Variants in ARHGAP22 observed in about 807,000 individuals in gnomAD.
The protein encoded by ARHGAP22 is rho GTPase-activating protein 22.
In ARHGAP22, 48 loss-of-function variants were observed where a neutral mutation model predicts 59.1. The ratio of observed to expected loss-of-function variants is 0.81; its 90% CI spans 0.64 to 1.03. The LOEUF (loss-of-function observed/expected upper bound fraction) is 1.03. Among genes scored for constraint, ARHGAP22 ranks in the 50% least tolerant of loss-of-function variants. The pLI, the probability that ARHGAP22 is intolerant of heterozygous loss-of-function variation, is 0.00. For synonymous variants in ARHGAP22, 445 were observed against 416.4 expected (o/e 1.07, Z -0.84); for missense variants, 1,015 against 958.7 (o/e 1.06, Z -0.78).
chr10:48,585,027 A>G (rs1424117235), intron 1 of ARHGAP22, among the ~76,000 whole-genome samples: 1 of 151,514 alleles, frequency 6.6e-6, no homozygotes, highest in Non-Finnish European at 1.5e-5. Flanking sequence ...GCACTCAGGC[A>G]CTGTCTGAGG....
intron 3 of ARHGAP22, among the ~76,000 whole-genome samples, chr10:48,504,794 G>A (rs754039944): frequency 2.6e-5 from 4 of 152,150 alleles, no homozygotes; most frequent in Non-Finnish European, 5.9e-5. Flanking sequence ...GGATGCAGGT[G>A]GTGACAGGCA....
At chr10:48,603,270 A>G (rs2060490310) in intron 1 of ARHGAP22, among the ~76,000 whole-genome samples, 1 of 152,260 alleles carries the variant, frequency 6.6e-6, no homozygotes, top group African/African-American at 2.4e-5. Flanking sequence ...CCCTTTGCTG[A>G]AGCACTGGTC....
At chr10:48,564,999 A>G (rs193161687) in intron 2 of ARHGAP22, among the ~76,000 whole-genome samples, 253 of 152,340 alleles carry the variant, frequency 1.7e-3, no homozygotes, top group African/African-American at 5.6e-3. Context: ...AACAACAGCA[A>G]CAGCGACAAT....
At chr10:48,430,506 A>T in the ARHGAP22 span, 1 of 152,354 alleles carries the variant, frequency 6.6e-6, no homozygotes, top group African/African-American at 2.4e-5. Flanking sequence ...CGCATATATT[A>T]ATACCAGCAG....
At chr10:48,600,293 A>G (rs2060304717) in intron 1 of ARHGAP22, among the ~76,000 whole-genome samples, 1 of 152,210 alleles carries the variant, frequency 6.6e-6, no homozygotes, top group Non-Finnish European at 1.5e-5. Flanking sequence ...GCATTTATAT[A>G]AAATTGAAGA....
intron 3 of ARHGAP22, chr10:48,493,318 T>G: frequency 9.2e-7 from 1 of 1,089,534 alleles, no homozygotes; most frequent in Non-Finnish European, 1.3e-6. Flanking sequence ...ATTCATGTCT[T>G]TCATTTCTCT....
At chr10:48,650,189 G>A (rs758773705) in intron 1 of ARHGAP22, among the ~76,000 whole-genome samples, 2 of 141,738 alleles carry the variant, frequency 1.4e-5, no homozygotes, top group African/African-American at 2.6e-5. Flanking sequence ...TCACGAAATG[G>A]CATTGCCAGT....
upstream of ARHGAP22, among the ~76,000 whole-genome samples, chr10:48,606,948 A>T (rs1381053408): frequency 6.6e-6 from 1 of 152,174 alleles, no homozygotes; most frequent in African/African-American, 2.4e-5. Context: ...ACACCACTGA[A>T]TGACAGAACT....
At chr10:48,598,662 T>TGGA (rs1191243201) in intron 1 of ARHGAP22, among the ~76,000 whole-genome samples, 2 of 152,164 alleles carry the variant, frequency 1.3e-5, no homozygotes, top group Non-Finnish European at 2.9e-5. Flanking sequence ...CCTGCATCAT[T>TGGA]GACTAAGGCT....
At chr10:48,615,118 C>A (rs2061030009) in intron 1 of ARHGAP22, among the ~76,000 whole-genome samples, 1 of 152,152 alleles carries the variant, frequency 6.6e-6, no homozygotes, top group Admixed American at 6.5e-5. Context: ...AATACACATG[C>A]CAAGGTTGTG....
At chr10:48,463,441 A>T (rs1168262782) in intron 4 of ARHGAP22, among the ~76,000 whole-genome samples, 1 of 152,188 alleles carries the variant, frequency 6.6e-6, no homozygotes, top group Non-Finnish European at 1.5e-5. Context: ...GGAAGTGCCC[A>T]TGGGCAGAGG....
intron 9 of ARHGAP22, among the ~76,000 whole-genome samples, chr10:48,449,781 CTT>C (rs386743477): frequency 0.051 from 7,801 of 152,260 alleles, 243 homozygotes; most frequent in African/African-American, 0.094. Context: ...GACACGAGGG[CTT>C]GGTTCAGCAG....
At position 48,463,035 on chromosome 10, in the gene ARHGAP22, T is replaced by C. The variant is rs2047305793; in HGVS notation, c.452-3144A>G. 3.3e-5 allele frequency among the ~76,000 whole-genome samples: 5 copies of C among 152,364 alleles called. 1 individual carries two copies. The South Asian group carries it at 1.0e-3, about 32-fold the overall frequency. ...TTTAGCTCACATGATGTTTGAAACA[T>C]TTTTAAATTAGTTATTTATAATCAA... On this transcript the variant is annotated intron_variant, in intron 4 of 9. Transcript: ENST00000249601.
intron 3 of ARHGAP22, among the ~76,000 whole-genome samples, chr10:48,550,820 T>G (rs922664453): frequency 1.8e-4 from 28 of 152,262 alleles, no homozygotes; most frequent in Admixed American, 6.5e-4. Context: ...TCCCAATAAC[T>G]ATGCCTATCA....
intron 4 of ARHGAP22, among the ~76,000 whole-genome samples, chr10:48,460,313 G>C (rs2047017028): frequency 1.3e-5 from 2 of 152,222 alleles, no homozygotes; most frequent in South Asian, 4.1e-4. Context: ...GTGCAGCAAT[G>C]AGAATAAATG....
chr10:48,495,005 G>A lies in ARHGAP22; in HGVS notation c.323-15241C>T, dbSNP rs10776609. ...GTGAGAGCCTTCGTCAAGGAGCTGCGCCCTCCCACCCAATTAGTCTTACAC... is the reference window on the plus strand; with the variant it reads ...GTGAGAGCCTTCGTCAAGGAGCTGCACCCTCCCACCCAATTAGTCTTACAC... On this transcript the variant is annotated intron_variant, in intron 3 of 9. Transcript: ENST00000249601. Among the ~76,000 whole-genome samples, 383 of 152,032 alleles carry A rather than the reference G, an allele frequency of 2.5e-3. 8 individuals are homozygous for A. Among genetic ancestry groups the A allele is most frequent in the Admixed American group, 0.022 (330 of 15,280 alleles).
At chr10:48,629,665 G>C (rs753297466) in intron 1 of ARHGAP22, among the ~76,000 whole-genome samples, 5 of 152,136 alleles carry the variant, frequency 3.3e-5, no homozygotes, top group Non-Finnish European at 7.4e-5. Context: ...CTTCATTTCT[G>C]TGTTGGTTAT....
intron 3 of ARHGAP22, among the ~76,000 whole-genome samples, chr10:48,504,940 C>T (rs1335524626): frequency 2.0e-5 from 3 of 152,144 alleles, no homozygotes; most frequent in Admixed American, 6.5e-5. Context: ...GGTTCAAGCA[C>T]CTGGGTGTGA....
chr10:48,520,249 G>A (rs1015422187), intron 3 of ARHGAP22, among the ~76,000 whole-genome samples: 8 of 152,220 alleles, frequency 5.3e-5, no homozygotes, highest in African/African-American at 1.7e-4. Flanking sequence ...ACAGTCATCA[G>A]GGCCTTGAGG....
Sources: allele counts gnomAD v4.1 joint callset (sites outside exome capture counted in the v4.1 genomes callset), GRCh38; gene constraint gnomAD v4.1.1; transcripts MANE v1.5; gene names NCBI Gene and HGNC (gene_info 2026-07-23, HGNC 2026-07-21).